CPQ: variants seen among roughly 807,000 people sequenced by gnomAD.
The protein encoded by CPQ is Ser-Met dipeptidase.
Under a neutral mutation model 45.7 loss-of-function variants are expected in CPQ, and 37 were observed. The observed-to-expected ratio is 0.81, with a 90% confidence interval of 0.62 to 1.07. The LOEUF (loss-of-function observed/expected upper bound fraction) is 1.07. CPQ is among the 50% of genes least tolerant of loss of function. The pLI, the probability that CPQ is intolerant of heterozygous loss-of-function variation, is 0.00. For synonymous variants in CPQ, 186 were observed against 205.8 expected (o/e 0.90, Z 0.82); for missense variants, 537 against 572.9 (o/e 0.94, Z 0.64).
At chr8:97,141,546 GAAGC>G (rs371099269) in intron 7 of CPQ, among the ~76,000 whole-genome samples, 10 of 152,256 alleles carry the variant, frequency 6.6e-5, no homozygotes, top group African/African-American at 2.4e-4. Flanking sequence ...TAGACTATGT[GAAGC>G]AAGAGAATGA....
intron 1 of CPQ, among the ~76,000 whole-genome samples, chr8:96,651,395 G>T (rs530568526): frequency 1.3e-5 from 2 of 152,316 alleles, no homozygotes; most frequent in African/African-American, 4.8e-5. Context: ...TCAAAGCAAA[G>T]ACTGTTATAT....
chr8:96,805,145 A>G (rs1811063329), intron 2 of CPQ, among the ~76,000 whole-genome samples: 1 of 152,206 alleles, frequency 6.6e-6, no homozygotes, highest in Non-Finnish European at 1.5e-5. Context: ...CATAAAAGCA[A>G]TGTGCTTAGA....
intron 5 of CPQ, among the ~76,000 whole-genome samples, chr8:97,023,057 A>ATATACTG: frequency 7.1e-6 from 1 of 141,708 alleles, no homozygotes. Flanking sequence ...TATACTGTAT[A>ATATACTG]TATAGAAACT....
chr8:96,822,845 C>A (rs1811329733), intron 2 of CPQ, among the ~76,000 whole-genome samples: 1 of 152,012 alleles, frequency 6.6e-6, no homozygotes, highest in African/African-American at 2.4e-5. Context: ...TTAAATATCT[C>A]CTCAGAGAAG....
At chr8:96,649,244 T>TG (rs1277137582) in intron 1 of CPQ, among the ~76,000 whole-genome samples, 1 of 152,234 alleles carries the variant, frequency 6.6e-6, no homozygotes, top group African/African-American at 2.4e-5. Flanking sequence ...CCCAAAGTGT[T>TG]GGGATTACAG....
At chr8:96,872,207 G>C (rs923977019) in intron 3 of CPQ, among the ~76,000 whole-genome samples, 1 of 151,912 alleles carries the variant, frequency 6.6e-6, no homozygotes, top group African/African-American at 2.4e-5. Flanking sequence ...ACTTGTGTTT[G>C]AGATACACCT....
At chr8:96,667,870 C>A (rs1808946871) in intron 1 of CPQ, among the ~76,000 whole-genome samples, 1 of 152,090 alleles carries the variant, frequency 6.6e-6, no homozygotes, top group Admixed American at 6.6e-5. Context: ...TTTTCTTACA[C>A]TTCAATTTCA....
chr8:96,943,048 G>A (rs900888929), intron 4 of CPQ, among the ~76,000 whole-genome samples: 1 of 152,088 alleles, frequency 6.6e-6, no homozygotes, highest in Admixed American at 6.6e-5. Context: ...TTTCTAGAAG[G>A]CTCCCACTGG....
At chr8:97,016,530 G>C (rs566686396) in intron 5 of CPQ, among the ~76,000 whole-genome samples, 2 of 152,158 alleles carry the variant, frequency 1.3e-5, no homozygotes, top group African/African-American at 2.4e-5. Context: ...TATTGGGCCA[G>C]ATTATGAAAA....
chr8:97,039,642 C>A (rs553757211), intron 6 of CPQ, among the ~76,000 whole-genome samples: 8 of 151,666 alleles, frequency 5.3e-5, no homozygotes, highest in East Asian at 3.9e-4. Flanking sequence ...ACTCCCCCCA[C>A]CCCACAACAG....
chr8:96,788,889 C>T (rs767881247), intron 2 of CPQ, among the ~76,000 whole-genome samples: 46 of 151,982 alleles, frequency 3.0e-4, no homozygotes, highest in Non-Finnish European at 1.6e-4. Flanking sequence ...CTGATTCTTT[C>T]TTCTATTAGC....
chr8:96,680,180 G>C (rs1809130706), intron 1 of CPQ, among the ~76,000 whole-genome samples: 1 of 152,080 alleles, frequency 6.6e-6, no homozygotes, highest in African/African-American at 2.4e-5. Flanking sequence ...TGATGCAATA[G>C]TCATTCAGGG....
chr8:96,932,971 C>T (rs969129792), intron 4 of CPQ, among the ~76,000 whole-genome samples: 37 of 152,294 alleles, frequency 2.4e-4, no homozygotes, highest in African/African-American at 8.4e-4. Flanking sequence ...CACACTCTAG[C>T]AACCATTGGC....
intron 2 of CPQ, among the ~76,000 whole-genome samples, chr8:96,804,237 G>A (rs1429544371): frequency 2.0e-5 from 3 of 152,144 alleles, no homozygotes; most frequent in African/African-American, 7.2e-5. Context: ...AACTGGAAAC[G>A]TATGCAGGTG....
chr8:96,835,171 C>G lies in CPQ; in HGVS notation c.632C>G (p.Ser211Cys). 1 of 1,498,152 alleles carries G rather than the reference C, an allele frequency of 6.7e-7. No individual in the cohort carries two copies. Among genetic ancestry groups the G allele is most frequent in the Non-Finnish European group, 8.9e-7 (1 of 1,117,556 alleles). The allele number at this position is 1,498,152 out of a possible 1,614,324, so 92.8% of individuals were successfully genotyped here. Residue 211 changes from serine to cysteine, a missense_variant, in exon 3 of 8, where the codon TCC becomes TGC. Ser to Cys is a moderately radical substitution (Grantham distance 112, BLOSUM62 -1). Transcript: ENST00000220763. ...ASLIRSVASF[S>C]IYSPHTGIQE... is the part of the protein sequence containing the mutation. Reference sequence around the variant, plus strand: ...CTCATTCGATCCGTGGCCTCCTTCTCCATCTACAGGTTTGTCACAATGTTC... The same window carrying G: ...CTCATTCGATCCGTGGCCTCCTTCTGCATCTACAGGTTTGTCACAATGTTC...
At chr8:96,982,241 C>T (rs1345192502) in intron 5 of CPQ, among the ~76,000 whole-genome samples, 1 of 152,160 alleles carries the variant, frequency 6.6e-6, no homozygotes, top group African/African-American at 2.4e-5. Flanking sequence ...TTACTAATCA[C>T]AAATATATAA....
chr8:97,022,248 G>T (rs1353946568), intron 5 of CPQ, among the ~76,000 whole-genome samples: 1 of 152,120 alleles, frequency 6.6e-6, no homozygotes, highest in Non-Finnish European at 1.5e-5. Flanking sequence ...ATGGATCAAG[G>T]ATTTAAATCT....
intron 1 of CPQ, among the ~76,000 whole-genome samples, chr8:96,738,492 G>C (rs562505481): frequency 4.7e-5 from 7 of 149,360 alleles, no homozygotes; most frequent in Non-Finnish European, 8.9e-5. Flanking sequence ...TAAGTTTTAG[G>C]GTACATGTGC....
chr8:96,971,657 G>A (rs1028878118), intron 5 of CPQ, among the ~76,000 whole-genome samples: 5 of 152,132 alleles, frequency 3.3e-5, no homozygotes, highest in Non-Finnish European at 5.9e-5. Flanking sequence ...ACATCTGCTT[G>A]TGAAGCTGTC....
Sources: allele counts gnomAD v4.1 joint callset (sites outside exome capture counted in the v4.1 genomes callset), GRCh38; gene constraint gnomAD v4.1.1; transcripts MANE v1.5; gene names NCBI Gene and HGNC (gene_info 2026-07-23, HGNC 2026-07-21).